The following FMN1 variants were observed in gnomAD, a reference collection of about 807,000 sequenced individuals.
The protein encoded by FMN1 is formin 1.
A neutral mutation model predicts 132.4 loss-of-function variants in FMN1; 110 were observed. That is an observed-to-expected ratio of 0.83 (90% CI 0.71 to 0.97). The LOEUF (loss-of-function observed/expected upper bound fraction) is 0.97, where lower values mean the gene tolerates loss of function less well. Ranked by LOEUF, FMN1 falls within the 50% of genes least tolerant of loss-of-function variation. The probability of loss-of-function intolerance (pLI) is 0.00; values close to 1 mark genes in which losing one functional copy is unlikely to be tolerated. For missense variants in FMN1, 1,792 were observed against 1,705.3 expected, an observed-to-expected ratio of 1.05 and a Z score of -0.90; for synonymous variants, 722 against 651.7, an observed-to-expected ratio of 1.11 and a Z score of -1.64.
At chr15:33,086,592 A>C (rs1043709545) in intron 5 of FMN1, among the ~76,000 whole-genome samples, 9 of 135,902 alleles carry the variant, frequency 6.6e-5, no homozygotes, top group South Asian at 2.3e-4. Flanking sequence ...AAAACACAGA[A>C]GAAAAAGAAA....
At chr15:33,084,933 G>T (rs1292839314) in intron 5 of FMN1, among the ~76,000 whole-genome samples, 1 of 152,144 alleles carries the variant, frequency 6.6e-6, no homozygotes, top group Non-Finnish European at 1.5e-5. Context: ...AAAGGCTTAA[G>T]AAAGTTAACA....
At chr15:32,827,469 A>G (rs1425764754) in intron 17 of FMN1, among the ~76,000 whole-genome samples, 4 of 152,218 alleles carry the variant, frequency 2.6e-5, no homozygotes, top group Non-Finnish European at 5.9e-5. Context: ...AAATAGCATT[A>G]GTTTTCATGT....
chr15:32,926,811 G>A (rs1003224813), intron 9 of FMN1, among the ~76,000 whole-genome samples: 1 of 152,140 alleles, frequency 6.6e-6, no homozygotes, highest in Non-Finnish European at 1.5e-5. Context: ...TTGAGAGAAG[G>A]TCTAGCTCTG....
At chr15:32,930,411 GTTTTT>G (rs60873457) in intron 9 of FMN1, among the ~76,000 whole-genome samples, 1 of 144,478 alleles carries the variant, frequency 6.9e-6, no homozygotes, top group Non-Finnish European at 1.5e-5. Context: ...GTATTTTTCA[GTTTTT>G]TTTTTTTTGA....
chr15:33,190,458 T>A (rs1966034928), intron 2 of FMN1, among the ~76,000 whole-genome samples: 1 of 152,196 alleles, frequency 6.6e-6, no homozygotes, highest in Non-Finnish European at 1.5e-5. Context: ...AAGTAGACAG[T>A]TCTCTTTCTC....
chr15:33,097,990 G>A (rs1434643245), intron 4 of FMN1, among the ~76,000 whole-genome samples: 5 of 152,188 alleles, frequency 3.3e-5, no homozygotes, highest in African/African-American at 7.2e-5. Context: ...AAAATAGACC[G>A]CACACTGGGC....
intron 4 of FMN1, among the ~76,000 whole-genome samples, chr15:33,098,375 A>G (rs1312191520): frequency 6.6e-6 from 1 of 152,152 alleles, no homozygotes; most frequent in Non-Finnish European, 1.5e-5. Context: ...CTGAATGCTG[A>G]ATGCTGAGGC....
intron 7 of FMN1, among the ~76,000 whole-genome samples, chr15:32,972,079 G>C (rs542184572): frequency 1.6e-4 from 25 of 152,148 alleles, no homozygotes; most frequent in Non-Finnish European, 3.2e-4. Flanking sequence ...CTGACAGAGC[G>C]GATATGCCAG....
intron 4 of FMN1, among the ~76,000 whole-genome samples, chr15:33,089,748 C>G (rs928532023): frequency 1.1e-4 from 17 of 152,134 alleles, no homozygotes; most frequent in Non-Finnish European, 4.4e-5. Context: ...GGACTTGAAC[C>G]CAGGCAGTTA....
chr15:33,189,514 G>A (rs1966000878), intron 2 of FMN1, among the ~76,000 whole-genome samples: 1 of 152,116 alleles, frequency 6.6e-6, no homozygotes, highest in Non-Finnish European at 1.5e-5. Context: ...CCAGCATACT[G>A]AACTTTATTT....
intron 9 of FMN1, among the ~76,000 whole-genome samples, chr15:32,950,419 A>G (rs1307692980): frequency 6.6e-6 from 1 of 152,116 alleles, no homozygotes; most frequent in Non-Finnish European, 1.5e-5. Flanking sequence ...CACAATAGCA[A>G]AGACATGGAA....
intron 6 of FMN1, among the ~76,000 whole-genome samples, chr15:33,035,649 T>G (rs943253183): frequency 6.6e-6 from 1 of 152,164 alleles, no homozygotes; most frequent in Non-Finnish European, 1.5e-5. Flanking sequence ...CCATCCTATT[T>G]AAAACTGCAA....
At chr15:33,125,627 G>A (rs1378486323) in intron 4 of FMN1, among the ~76,000 whole-genome samples, 2 of 151,876 alleles carry the variant, frequency 1.3e-5, no homozygotes, top group Non-Finnish European at 2.9e-5. Context: ...ATCACTTGAG[G>A]TCAGGAATTC....
At chr15:32,861,093 CTTAAA>C (rs544558950) in intron 16 of FMN1, among the ~76,000 whole-genome samples, 6 of 152,208 alleles carry the variant, frequency 3.9e-5, no homozygotes, top group South Asian at 2.1e-4. Context: ...GGAGGAGTTC[CTTAAA>C]TTATTTAATT....
chr15:32,802,671 C>T (rs903278201), intron 18 of FMN1, among the ~76,000 whole-genome samples: 1 of 152,188 alleles, frequency 6.6e-6, no homozygotes, highest in Non-Finnish European at 1.5e-5. Context: ...CCACGCTGGG[C>T]CCCCTTTTCC....
Position 32,999,848 on chromosome 15 carries a change from A to C in FMN1, c.2223+8166T>G, listed in dbSNP as rs114691263. ...CTACCAGCTCCTCACAAGCCAGACAAAGGGCATGTACTTTTCTTTCTTCCC... is the reference window on the plus strand; with the variant it reads ...CTACCAGCTCCTCACAAGCCAGACACAGGGCATGTACTTTTCTTTCTTCCC... On this transcript the variant is annotated intron_variant, in intron 7 of 20. Coordinates refer to ENST00000616417, the MANE Select transcript of FMN1 (RefSeq NM_001277313.2). Among the ~76,000 whole-genome samples the C allele has an allele frequency of 4.9e-3, 741 of 152,306 alleles. 3 individuals carry two copies. The highest frequency in any genetic ancestry group is 0.017 in the African/African-American group (704 of 41,568).
At chr15:33,102,684 AAC>A (rs1379382754) in intron 4 of FMN1, among the ~76,000 whole-genome samples, 1 of 152,118 alleles carries the variant, frequency 6.6e-6, no homozygotes, top group Admixed American at 6.6e-5. Context: ...CTCATGAGCA[AAC>A]ACAAAGGAAA....
rs1001865920 is a variant in FMN1 at position 32,770,366 on chromosome 15, A to T, written c.*3944T>A. ...AATGAGGACATGTAACTTTCAAGAA[A>T]GGAAGAGTATCATTAAAATGAAAAT... On this transcript the variant is annotated 3_prime_UTR_variant, in exon 21 of 21. Coordinates refer to ENST00000616417, the MANE Select transcript of FMN1 (RefSeq NM_001277313.2). 2.0e-5 allele frequency: 3 copies of T among 151,670 alleles called. No individual in the cohort carries two copies. The highest frequency in any genetic ancestry group is 4.8e-5 in the African/African-American group (2 of 41,302). The allele number at this position is 151,670 out of a possible 1,614,324, so 9.4% of individuals were successfully genotyped here. A position where few individuals can be genotyped will look rare whatever the true frequency, so the allele number is the denominator to read the frequency against.
chr15:33,058,262 G>A (rs1169591011), intron 6 of FMN1, among the ~76,000 whole-genome samples: 5 of 152,082 alleles, frequency 3.3e-5, no homozygotes, highest in East Asian at 1.9e-4. Context: ...TGAGAAAGAC[G>A]ACGACTGAAA....
Sources: gnomAD v4.1 joint callset for allele counts (sites outside exome capture counted in the v4.1 genomes callset) on GRCh38, gnomAD v4.1.1 for gene constraint, MANE v1.5 for transcripts, NCBI Gene and HGNC (gene_info 2026-07-23, HGNC 2026-07-21) for gene names.